COL6A5: variants seen among roughly 807,000 people sequenced by gnomAD.
COL6A5 encodes collagen type VI alpha 5 chain, also known as collagen alpha-5(VI) chain.
A neutral mutation model predicts 65.6 loss-of-function variants in COL6A5; 48 were observed. The observed-to-expected ratio is 0.73, with a 90% CI of 0.58 to 0.93. The LOEUF (loss-of-function observed/expected upper bound fraction) is 0.93, where lower values mean the gene tolerates loss of function less well. COL6A5 is among the 40% of genes least tolerant of loss of function. The pLI is 0.00. For synonymous variants in COL6A5, 291 were observed against 322.8 expected (o/e 0.90, Z 1.05); for missense variants, 914 against 928.3 (o/e 0.98, Z 0.20).
rs151065033 is a variant in COL6A5, at chr3:130,477,441, T to G, written c.2328+6474T>G. ...TGAAATTTTCATTATATATTTCTAC[T>G]AAAAGGACAGATTTTCTGTTTGCTT... On this transcript the variant is annotated intron_variant, in intron 7 of 7. Transcript: ENST00000512836. The G allele has an allele frequency of 4.3e-3, 767 of 176,642 alleles. 4 individuals are homozygous for G. Among genetic ancestry groups the G allele is most frequent in the African/African-American group, 0.017 (745 of 42,616 alleles). The allele number at this position is 176,642 out of a possible 1,614,324, so 10.9% of individuals were successfully genotyped here. A position where few individuals can be genotyped will look rare whatever the true frequency, so the allele number is the denominator to read the frequency against.
intron 1 of COL6A5, among the ~76,000 whole-genome samples, chr3:130,355,726 A>G (rs527935776): frequency 6.6e-6 from 1 of 152,216 alleles, no homozygotes; most frequent in East Asian, 1.9e-4. Context: ...AACAAAACAA[A>G]TAGTAGTGGA....
At chr3:130,349,343 C>A (rs1934619017) in intron 1 of COL6A5, among the ~76,000 whole-genome samples, 1 of 152,186 alleles carries the variant, frequency 6.6e-6, no homozygotes, top group African/African-American at 2.4e-5. Flanking sequence ...AGCCCTTGGG[C>A]AAGCTATGCT....
At chr3:130,376,600 C>T in exon 3 of COL6A5, 2 of 1,609,104 alleles carry the variant, frequency 1.2e-6, no homozygotes, top group Non-Finnish European at 1.7e-6. Flanking sequence ...CTGGCTTCGG[C>T]TGAGTCTGAG....
chr3:130,428,237 T>C (rs922019182), upstream of COL6A5, among the ~76,000 whole-genome samples: 9 of 152,246 alleles, frequency 5.9e-5, no homozygotes, highest in Middle Eastern at 0.01. Flanking sequence ...GGATGCAGAC[T>C]GGAGATTAAG....
intron 17 of COL6A5, among the ~76,000 whole-genome samples, chr3:130,406,803 G>T (rs1401509150): frequency 6.6e-6 from 1 of 152,104 alleles, no homozygotes; most frequent in Admixed American, 6.5e-5. Context: ...ATTTCAAGCA[G>T]CTCTACTTTT....
At chr3:130,443,858 A>G (rs926766933) in intron 4 of COL6A5, among the ~76,000 whole-genome samples, 2 of 152,010 alleles carry the variant, frequency 1.3e-5, no homozygotes, top group Non-Finnish European at 2.9e-5. Context: ...ATCCACCTCA[A>G]CCTCACTTCT....
intron 3 of COL6A5, among the ~76,000 whole-genome samples, chr3:130,442,744 A>G (rs142057504): frequency 3.3e-5 from 5 of 152,342 alleles, no homozygotes; most frequent in African/African-American, 7.2e-5. Flanking sequence ...GCAATTAATC[A>G]GAAGATATAT....
intron 1 of COL6A5, among the ~76,000 whole-genome samples, chr3:130,352,803 A>C (rs868631367): frequency 6.6e-6 from 1 of 152,218 alleles, no homozygotes; most frequent in South Asian, 2.1e-4. Context: ...AGAAGGAGAT[A>C]ACATAATCAA....
At chr3:130,438,390 T>C (rs556364002) in intron 1 of COL6A5, among the ~76,000 whole-genome samples, 1 of 141,418 alleles carries the variant, frequency 7.1e-6, no homozygotes, top group East Asian at 2.0e-4. Flanking sequence ...ATTTGTTGAA[T>C]GAATGAGTGA....
At chr3:130,456,470 T>C (rs1709574663) in intron 5 of COL6A5, among the ~76,000 whole-genome samples, 2 of 152,060 alleles carry the variant, frequency 1.3e-5, no homozygotes. Flanking sequence ...GATTGTGTAA[T>C]ACAAAAGATA....
At chr3:130,392,973 T>C (rs1445143268) in intron 7 of COL6A5, among the ~76,000 whole-genome samples, 1 of 151,908 alleles carries the variant, frequency 6.6e-6, no homozygotes, top group Non-Finnish European at 1.5e-5. Flanking sequence ...AAGCGTGGGC[T>C]CCCCTCCCTC....
intron 5 of COL6A5, among the ~76,000 whole-genome samples, chr3:130,464,214 C>G (rs1446903236): frequency 1.3e-5 from 2 of 152,004 alleles, no homozygotes; most frequent in African/African-American, 4.8e-5. Context: ...TCAGTGCAGC[C>G]TGAAACTCCT....
At chr3:130,367,624 TG>T (rs1412211739) in intron 1 of COL6A5, among the ~76,000 whole-genome samples, 4 of 152,340 alleles carry the variant, frequency 2.6e-5, no homozygotes, top group Non-Finnish European at 2.9e-5. Flanking sequence ...TTGTCTGTTT[TG>T]TCCACGGCTA....
At chr3:130,470,832 T>C in intron 6 of COL6A5, 39 bp from the exon 39 acceptor site, 1 of 1,432,792 alleles carries the variant, frequency 7.0e-7, no homozygotes, top group South Asian at 1.2e-5. Flanking sequence ...ATAATGTAGG[T>C]GGGTAAAATT....
At chr3:130,470,791 G>A (rs775995183) in intron 6 of COL6A5, 80 bp from the exon 39 acceptor site, 15 of 1,030,724 alleles carry the variant, frequency 1.5e-5, no homozygotes, top group African/African-American at 3.2e-5. Flanking sequence ...TGCCAACCAC[G>A]TGAAAACATG....
At chr3:130,467,074 G>A (rs1459624162) in intron 5 of COL6A5, among the ~76,000 whole-genome samples, 1 of 151,798 alleles carries the variant, frequency 6.6e-6, no homozygotes, top group East Asian at 1.9e-4. Flanking sequence ...AAAGAAAAGG[G>A]AATATTTCAC....
chr3:130,436,778 G>T (rs1709045013), intron 1 of COL6A5, among the ~76,000 whole-genome samples: 1 of 151,752 alleles, frequency 6.6e-6, no homozygotes. Context: ...TTCTGATTCG[G>T]CTTCATCACC....
intron 25 of COL6A5, among the ~76,000 whole-genome samples, chr3:130,419,641 T>A (rs116805217): frequency 3.3e-5 from 5 of 152,206 alleles, no homozygotes; most frequent in Non-Finnish European, 7.4e-5. Flanking sequence ...GAGAACATTA[T>A]GTGAAGTGAA....
chr3:130,414,019 A>G (rs1218553980), intron 21 of COL6A5, 50 bp from the exon 22 acceptor site: 1 of 1,365,886 alleles, frequency 7.3e-7, no homozygotes, highest in African/African-American at 1.4e-5. Context: ...GAAAATCTAT[A>G]TGGAAACAAC....
Sources: allele counts gnomAD v4.1 joint callset (sites outside exome capture counted in the v4.1 genomes callset), GRCh38; gene constraint gnomAD v4.1.1; transcripts MANE v1.5; gene names NCBI Gene and HGNC (gene_info 2026-07-23, HGNC 2026-07-21).